Variants in ALOXE3 observed in about 807,000 individuals in gnomAD.
ALOXE3 encodes arachidonate epidermal lipoxygenase 3.
A neutral mutation model predicts 87.5 loss-of-function variants in ALOXE3; 78 were observed. The ratio of observed to expected loss-of-function variants is 0.89; its 90% CI spans 0.74 to 1.08. The LOEUF (loss-of-function observed/expected upper bound fraction) is 1.08. ALOXE3 is among the 50% of genes least tolerant of loss of function. ALOXE3 has a pLI of 0.00. For missense variants in ALOXE3, 946 were observed against 912.4 expected (o/e 1.04, Z -0.47); for synonymous variants, 363 against 370.8 (o/e 0.98, Z 0.24).
chr17:8,114,865 A>G lies in ALOXE3; in HGVS notation c.554+73T>C, dbSNP rs370862461. 5.6e-6 allele frequency: 9 copies of G among 1,603,020 alleles called. No homozygotes were observed. In the East Asian group the frequency reaches 1.1e-4, roughly 20 times the overall value. The stretch of plus-strand genomic sequence containing the variant: ...AGACCCCTACCCCTCCTTCCTGGCT[A>G]TCAGGACCCCATCCTCCCGACAGAC... On this transcript the variant is annotated intron_variant, in intron 5 of 15. Transcript: ENST00000448843.
chr17:8,108,224 G>T lies in ALOXE3; in HGVS notation c.1684+244C>A, dbSNP rs137891186. 3.3e-5 allele frequency among the ~76,000 whole-genome samples: 5 copies of T among 152,254 alleles called. No individual in the cohort carries two copies. The East Asian group carries it at 9.6e-4, about 29-fold the overall frequency. The stretch of plus-strand genomic sequence containing the variant: ...GCTGAAATGAATGGGTGGGCTTGTG[G>T]AAAGGTCAAGGGACCAGAGGGGCAC... On this transcript the variant is annotated intron_variant, in intron 13 of 15. Transcript: ENST00000448843.
chr17:8,109,226 G>T lies in ALOXE3; in HGVS notation c.1510C>A (p.Pro504Thr). The stretch of plus-strand genomic sequence containing the variant: ...CCGTCGTCTCGGTAGTGGTAGTTGG[G>T]GATAGCCAGGACGCCGCGGGCCCGC... ...SLRARGVLAIPNYHYRDDGLK... is the reference protein window; with the variant it reads ...SLRARGVLAITNYHYRDDGLK... Residue 504 changes from proline (P) to threonine (T), a missense_variant, in exon 12 of 16, where the codon CCC becomes ACC. Coordinates refer to ENST00000448843, the MANE Select transcript of ALOXE3 (RefSeq NM_021628.3). The T allele has an allele frequency of 6.2e-7, 1 of 1,614,038 alleles. No individual in the cohort carries two copies. The highest frequency in any genetic ancestry group is 1.1e-5 in the South Asian group (1 of 91,088).
At chr17:8,113,882 C>CG (rs1438326706) in intron 6 of ALOXE3, among the ~76,000 whole-genome samples, 5 of 151,254 alleles carry the variant, frequency 3.3e-5, no homozygotes, top group African/African-American at 4.9e-5. Flanking sequence ...CAAAATTAGC[C>CG]GGCATGGTGG....
At chr17:8,114,258 G>T (rs2151844040) in intron 6 of ALOXE3, among the ~76,000 whole-genome samples, 1 of 150,114 alleles carries the variant, frequency 6.7e-6, no homozygotes, top group East Asian at 2.0e-4. Context: ...TGGGGGCAGG[G>T]AGAGGGGAAC....
chr17:8,096,712 C>T lies in ALOXE3; in HGVS notation c.2051G>A (p.Arg684Lys). The change falls in exon 16 of 16, where the codon AGG becomes AAG. Residue 684 changes from arginine (R) to lysine (K), a missense_variant. Physicochemically the swap from Arg to Lys is conservative, Grantham distance 26 (BLOSUM62 2). Coordinates refer to ENST00000448843, the MANE Select transcript of ALOXE3 (RefSeq NM_021628.3). ...AFQSRLAQIS[R>K]DIQERNQGLA... Reference sequence around the variant, plus strand: ...ACCCTGGTTCCGCTCCTGGATGTCCCTTGAGATCTGGGCCAGGCGGCTCTG... The same window carrying T: ...ACCCTGGTTCCGCTCCTGGATGTCCTTTGAGATCTGGGCCAGGCGGCTCTG... The T allele has an allele frequency of 2.5e-6, 4 of 1,611,970 alleles. No homozygotes were observed. Among genetic ancestry groups the T allele is most frequent in the Non-Finnish European group, 3.4e-6 (4 of 1,178,012 alleles).
At chr17:8,108,391 A>C in intron 13 of ALOXE3, 77 bp downstream of exon 13, 1 of 1,580,720 alleles carries the variant, frequency 6.3e-7, no homozygotes, top group South Asian at 1.1e-5. Flanking sequence ...TCAATAAATA[A>C]CTGATGGGAG....
chr17:8,113,482 G>A (rs1297025839), intron 6 of ALOXE3, among the ~76,000 whole-genome samples: 8 of 151,348 alleles, frequency 5.3e-5, no homozygotes, highest in Non-Finnish European at 8.8e-5. Flanking sequence ...GTGAAACCCC[G>A]TCTCTACTAA....
chr17:8,109,885 G>A (rs1979876894), intron 11 of ALOXE3, 31 bp downstream of exon 11: 5 of 1,540,618 alleles, frequency 3.2e-6, no homozygotes, highest in Non-Finnish European at 3.5e-6. Flanking sequence ...CTTCGGGGGC[G>A]GAGATCAGTG....
Position 8,110,244 on chromosome 17 carries a change from C to T in ALOXE3, c.1153G>A (p.Glu385Lys), listed in dbSNP as rs562017032. The change falls in exon 10 of 16, where the codon GAA (glutamate) becomes AAA (lysine). Residue 385 changes from glutamate to lysine, a missense_variant. By Grantham distance (56) the Glu-to-Lys change is moderately conservative. Coordinates refer to ENST00000448843, the MANE Select transcript of ALOXE3 (RefSeq NM_021628.3). ...GTCTTGGCCAGCAGCCAGTCCCATT[C>T]GGAGTCAGTGGGCAGGAAGATGGGG... Reference protein sequence around the residue: ...DSPIFLPTDSEWDWLLAKTWV... With the variant: ...DSPIFLPTDSKWDWLLAKTWV... 5 of 1,614,064 alleles carry T rather than the reference C, an allele frequency of 3.1e-6. No individual in the cohort carries two copies. The highest frequency in any genetic ancestry group is 3.3e-5 in the Admixed American group (2 of 60,022).
chr17:8,106,129 G>A (rs1979293000), intron 13 of ALOXE3, among the ~76,000 whole-genome samples: 1 of 151,918 alleles, frequency 6.6e-6, no homozygotes, highest in Non-Finnish European at 1.5e-5. Flanking sequence ...TGGTTGAGAA[G>A]CAGCTGCCAC....
rs1036645806 is a variant in ALOXE3 at position 8,096,485 on chromosome 17, T to C, written c.*142A>G. On this transcript the variant is annotated 3_prime_UTR_variant, in exon 16 of 16. Transcript: ENST00000448843. ...CAGTTTGTATGATGTCAGAGCCATC[T>C]TGGCTGCAAAAGTCTCCATGTGCAG... 46 of 702,742 alleles carry C rather than the reference T, an allele frequency of 6.5e-5. No homozygotes were observed. The African/African-American group carries it at 7.9e-4, about 12-fold the overall frequency. The allele number at this position is 702,742 out of a possible 1,614,324, so 43.5% of individuals were successfully genotyped here. A position where few individuals can be genotyped will look rare whatever the true frequency, so the allele number is the denominator to read the frequency against.
chr17:8,108,741 G>A (rs1468294970), intron 12 of ALOXE3, 152 bp from the exon 13 acceptor site: 7 of 1,208,636 alleles, frequency 5.8e-6, no homozygotes, highest in South Asian at 1.3e-5. Context: ...TGAGTGGCCG[G>A]GCTTCCCTTA....
At chr17:8,097,719 T>C (rs922724417) in intron 15 of ALOXE3, among the ~76,000 whole-genome samples, 37 of 150,906 alleles carry the variant, frequency 2.5e-4, no homozygotes, top group Non-Finnish European at 4.7e-4. Context: ...ACTAGAACCT[T>C]CATATAATTG....
intron 6 of ALOXE3, among the ~76,000 whole-genome samples, chr17:8,113,503 A>C (rs1046315271): frequency 6.6e-6 from 1 of 151,810 alleles, no homozygotes; most frequent in Non-Finnish European, 1.5e-5. Flanking sequence ...AAATGCAAAA[A>C]TTAGCCAGGC....
In ALOXE3 at chr17:8,096,171, C is replaced by A; in HGVS notation, c.*456G>T. ...CCCAGGCACACAGTCCTTCTGTGCC[C>A]AGTTTCCAGGCTTTTCCAGAGAAGG... On this transcript the variant is annotated 3_prime_UTR_variant, in exon 16 of 16. Coordinates refer to ENST00000448843, the MANE Select transcript of ALOXE3 (RefSeq NM_021628.3). 5.5e-6 allele frequency: 1 copy of A among 182,282 alleles called. No homozygotes were observed. The highest frequency in any genetic ancestry group is 1.2e-5 in the Non-Finnish European group (1 of 85,472). 11.3% of individuals were successfully genotyped at this position (182,282 alleles called of 1,614,324 possible).
rs1979456329 is a variant in ALOXE3, at chr17:8,107,814, AAAGAAAGAAAGAAAGAAAG to A, written c.1684+635_1684+653del. On this transcript the variant is annotated intron_variant, in intron 13 of 15. Transcript: ENST00000448843. Reference sequence around the variant, plus strand: ...ACTCCGTCTCAAAAAAAAAAACAAGAAAGAAAGAAAGAAAGAAAGAAAGAAAGAAAGAAAGAAAGAAAGA... The same window carrying A: ...ACTCCGTCTCAAAAAAAAAAACAAGAAAAGAAAGAAAGAAAGAAAGAAAGA... Among the ~76,000 whole-genome samples the A allele has an allele frequency of 1.8e-3, 4 of 2,246 alleles. 1 individual carries two copies. Among genetic ancestry groups the A allele is most frequent in the Non-Finnish European group, 3.7e-3 (4 of 1,074 alleles). The allele number at this position is 2,246 out of a possible 152,430, so 1.5% of individuals were successfully genotyped here.
chr17:8,107,877 GAAA>G (rs1567996201), intron 13 of ALOXE3, among the ~76,000 whole-genome samples: 458 of 3,500 alleles, frequency 0.13, 105 homozygotes, highest in Middle Eastern at 0.38. Flanking sequence ...AAGAAAGAAA[GAAA>G]GAAAGAAAGA....
At chr17:8,107,843 A>C (rs1328609140) in intron 13 of ALOXE3, among the ~76,000 whole-genome samples, 51 of 2,920 alleles carry the variant, frequency 0.017, no homozygotes, top group South Asian at 0.044. Context: ...GAAAGAAAGA[A>C]AGAAAGAAAG....
intron 6 of ALOXE3, among the ~76,000 whole-genome samples, chr17:8,113,428 C>T (rs572110777): frequency 7.3e-5 from 11 of 151,584 alleles, no homozygotes; most frequent in East Asian, 2.0e-4. Context: ...CAAGATGGGC[C>T]GATCACCTGA....
Sources: gnomAD v4.1 joint callset for allele counts (sites outside exome capture counted in the v4.1 genomes callset) on GRCh38, gnomAD v4.1.1 for gene constraint, MANE v1.5 for transcripts, NCBI Gene and HGNC (gene_info 2026-07-23, HGNC 2026-07-21) for gene names.